Variants in CEP162 observed in about 807,000 individuals in gnomAD.
CEP162 encodes centrosomal protein of 162 kDa.
A neutral mutation model predicts 169.2 loss-of-function variants in CEP162; 141 were observed. The ratio of observed to expected loss-of-function variants is 0.83; its 90% confidence interval spans 0.73 to 0.96. The LOEUF (loss-of-function observed/expected upper bound fraction) is 0.96, where lower values mean the gene tolerates loss of function less well. Ranked by LOEUF, CEP162 falls within the 40% of genes least tolerant of loss-of-function variation. The pLI is 0.00. For synonymous variants in CEP162, 540 were observed against 526.4 expected (o/e 1.03, Z -0.35); for missense variants, 1,600 against 1,587.2 (o/e 1.01, Z -0.14).
At chr6:84,135,487 TCTTA>T (rs1391326146) in intron 25 of CEP162, among the ~76,000 whole-genome samples, 1 of 149,984 alleles carries the variant, frequency 6.7e-6, no homozygotes, top group African/African-American at 2.5e-5. Flanking sequence ...GTCTTTGTTC[TCTTA>T]CTTGTTGGTG....
intron 21 of CEP162, 111 bp from the exon 22 acceptor site, chr6:84,155,621 CCAATAA>C: frequency 1.4e-6 from 1 of 694,900 alleles, no homozygotes; most frequent in Non-Finnish European, 2.4e-6. Flanking sequence ...TTTCTATATA[CCAATAA>C]CAATCTTGCT....
intron 25 of CEP162, among the ~76,000 whole-genome samples, chr6:84,128,205 T>C (rs1358069762): frequency 2.6e-5 from 4 of 152,194 alleles, no homozygotes; most frequent in African/African-American, 9.6e-5. Context: ...TCACATAAAC[T>C]TAGAAATCTG....
intron 5 of CEP162, among the ~76,000 whole-genome samples, chr6:84,215,056 C>T (rs192644750): frequency 6.6e-6 from 1 of 152,288 alleles, no homozygotes; most frequent in Admixed American, 6.5e-5. Context: ...GTCTCAATAG[C>T]ATGAAATTTC....
intron 23 of CEP162, 127 bp from the exon 24 acceptor site, chr6:84,149,830 G>A (rs1292933593): frequency 5.9e-6 from 4 of 680,682 alleles, no homozygotes; most frequent in African/African-American, 1.8e-5. Context: ...AATATTAACT[G>A]CACTGTGTTA....
chr6:84,221,035 A>C (rs760405257), intron 3 of CEP162, 22 bp downstream of exon 3: 1 of 1,312,034 alleles, frequency 7.6e-7, no homozygotes, highest in Non-Finnish European at 1.1e-6. Context: ...ATAATTTGAA[A>C]CTAAAAATCA....
chr6:84,184,403 G>A (rs368311994), intron 13 of CEP162, among the ~76,000 whole-genome samples: 34 of 152,008 alleles, frequency 2.2e-4, no homozygotes, highest in East Asian at 1.2e-3. Context: ...TCCTATTCTC[G>A]CTTACTGCCA....
intron 24 of CEP162, 70 bp from the exon 25 acceptor site, chr6:84,146,855 G>C: frequency 1.3e-6 from 1 of 779,860 alleles, no homozygotes; most frequent in East Asian, 2.8e-5. Flanking sequence ...ATATAAGAAA[G>C]CCAACTCACA....
At chr6:84,175,799 TATATCATG>T (rs751552009) in intron 13 of CEP162, among the ~76,000 whole-genome samples, 4 of 152,180 alleles carry the variant, frequency 2.6e-5, no homozygotes, top group Non-Finnish European at 5.9e-5. Context: ...ATAAACAATG[TATATCATG>T]ATATTATAGT....
At chr6:84,207,440 C>G (rs547375599) in intron 6 of CEP162, among the ~76,000 whole-genome samples, 11 of 152,106 alleles carry the variant, frequency 7.2e-5, no homozygotes, top group African/African-American at 2.4e-4. Flanking sequence ...AGCTAGAAAC[C>G]ATCATTCTGA....
At chr6:84,217,457 G>C (rs149071918) in intron 3 of CEP162, among the ~76,000 whole-genome samples, 2 of 152,190 alleles carry the variant, frequency 1.3e-5, no homozygotes, top group South Asian at 4.1e-4. Context: ...GTTTAAGGAG[G>C]AGGAAAGCAG....
Position 84,212,850 on chromosome 6 carries a change from C to T in CEP162, c.571+107G>A, listed in dbSNP as rs543076322. ...ACAGGCAAACCCACTCTATTCAAAG[C>T]TCTGAGACAATATGATTTTCCTTTT... is the stretch of plus-strand genomic sequence containing the variant. On this transcript the variant is annotated intron_variant, in intron 6 of 26. Coordinates refer to ENST00000403245, the MANE Select transcript of CEP162 (RefSeq NM_014895.4). The T allele has an allele frequency of 7.5e-5, 55 of 731,596 alleles. 2 individuals carry two copies. In the South Asian group the frequency reaches 1.0e-3, roughly 14 times the overall value. The allele number at this position is 731,596 out of a possible 1,614,324, so 45.3% of individuals were successfully genotyped here. A position where few individuals can be genotyped will look rare whatever the true frequency, so the allele number is the denominator to read the frequency against.
intron 17 of CEP162, 21 bp from the exon 18 acceptor site, chr6:84,169,454 A>AT: frequency 6.8e-7 from 1 of 1,465,394 alleles, no homozygotes; most frequent in Non-Finnish European, 9.2e-7. Context: ...TTGAAAATAA[A>AT]AAGTTGTTTT....
intron 25 of CEP162, among the ~76,000 whole-genome samples, chr6:84,141,946 CT>C (rs1490761370): frequency 1.3e-5 from 2 of 152,120 alleles, no homozygotes; most frequent in East Asian, 3.8e-4. Flanking sequence ...CCTAAAATGC[CT>C]TCTTGGAGAA....
At position 84,141,230 on chromosome 6, in the gene CEP162, T is replaced by A. The variant is rs2099516474; in HGVS notation, c.3870+5457A>T. On this transcript the variant is annotated intron_variant, in intron 25 of 26. Transcript: ENST00000403245. Reference sequence around the variant, plus strand: ...TTAAAATGGGTATACCTTTAAAGATTTGAGTTTTTATATCAAAAAATGATT... The same window carrying A: ...TTAAAATGGGTATACCTTTAAAGATATGAGTTTTTATATCAAAAAATGATT... 2.7e-5 allele frequency among the ~76,000 whole-genome samples: 4 copies of A among 149,426 alleles called. No individual in the cohort carries two copies. The South Asian group carries it at 8.3e-4, about 31-fold the overall frequency.
At chr6:84,157,871 C>G (rs1212689702) in intron 21 of CEP162, among the ~76,000 whole-genome samples, 1 of 152,138 alleles carries the variant, frequency 6.6e-6, no homozygotes, top group Middle Eastern at 3.2e-3. Context: ...CTGCCGGAAG[C>G]TCTACTCCAC....
At chr6:84,152,390 C>A (rs543419680) in intron 23 of CEP162, among the ~76,000 whole-genome samples, 155 bp downstream of exon 23, 42 of 152,144 alleles carry the variant, frequency 2.8e-4, no homozygotes, top group Non-Finnish European at 4.1e-4. Flanking sequence ...TATCCTGAAA[C>A]AGACACATGC....
At chr6:84,210,096 G>A (rs762579786) in intron 6 of CEP162, among the ~76,000 whole-genome samples, 2 of 152,108 alleles carry the variant, frequency 1.3e-5, no homozygotes, top group Admixed American at 6.5e-5. Flanking sequence ...CACATTGTTC[G>A]GAAAACAATC....
At chr6:84,151,624 A>G (rs2099521151) in intron 23 of CEP162, among the ~76,000 whole-genome samples, 1 of 152,154 alleles carries the variant, frequency 6.6e-6, no homozygotes, top group African/African-American at 2.4e-5. Context: ...AGCAACAGAG[A>G]AAGAACAGAG....
intron 24 of CEP162, 126 bp downstream of exon 24, chr6:84,149,436 T>C (rs928922570): frequency 3.4e-6 from 2 of 592,512 alleles, no homozygotes; most frequent in Non-Finnish European, 5.2e-6. Flanking sequence ...CCAATAATAG[T>C]TTCCCATTTC....
Sources: allele counts gnomAD v4.1 joint callset (sites outside exome capture counted in the v4.1 genomes callset), GRCh38; gene constraint gnomAD v4.1.1; transcripts MANE v1.5; gene names NCBI Gene and HGNC (gene_info 2026-07-23, HGNC 2026-07-21).